Variants in ADRA1A observed in about 807,000 individuals in gnomAD.
ADRA1A encodes the protein adrenoceptor alpha 1A.
A neutral mutation model predicts 29.6 loss-of-function variants in ADRA1A; 31 were observed. The ratio of observed to expected loss-of-function variants is 1.05; its 90% confidence interval spans 0.79 to 1.41. The LOEUF (loss-of-function observed/expected upper bound fraction) is 1.41. ADRA1A is among the 40% of genes most tolerant of loss of function. The pLI is 0.00. For synonymous variants in ADRA1A, 311 were observed against 254.3 expected (o/e 1.22, Z -2.12); for missense variants, 619 against 601.1 (o/e 1.03, Z -0.31).
chr8:26,796,329 A>G lies in ADRA1A; in HGVS notation c.884-25663T>C, dbSNP rs1215928972. Among the ~76,000 whole-genome samples the G allele has an allele frequency of 6.6e-6, 1 of 152,224 alleles. No homozygotes were observed. The highest frequency in any genetic ancestry group is 1.5e-5 in the Non-Finnish European group (1 of 68,036). ...AAAGAATAAAAGCACATAACTAAAA[A>G]ATAACTCACTGATTACCTACAACAT... On this transcript the variant is annotated intron_variant, in intron 2 of 2. Coordinates refer to ENST00000380573, the MANE Select transcript of ADRA1A (RefSeq NM_000680.4). The surrounding 1 kb of genome is among the most constrained non-coding windows in gnomAD (Gnocchi z 5.0).
intron 2 of ADRA1A, among the ~76,000 whole-genome samples, chr8:26,843,102 A>G (rs1811948386): frequency 6.6e-6 from 1 of 152,162 alleles, no homozygotes; most frequent in African/African-American, 2.4e-5. Context: ...TTCCTAGACC[A>G]TTTATAATGA....
At chr8:26,816,056 G>A (rs1234244103) in intron 2 of ADRA1A, among the ~76,000 whole-genome samples, 1 of 152,208 alleles carries the variant, frequency 6.6e-6, no homozygotes, top group Non-Finnish European at 1.5e-5. Flanking sequence ...GCAAGACACA[G>A]AAACAGTGCC....
At chr8:26,748,219 T>C (rs1278194316) in exon 3 of ADRA1A, 1 of 152,300 alleles carries the variant, frequency 6.6e-6, no homozygotes, top group East Asian at 1.9e-4. Context: ...TGTAGTCCAG[T>C]GGTGCTTAAA....
intron 2 of ADRA1A, among the ~76,000 whole-genome samples, chr8:26,780,323 G>A (rs114608910): frequency 0.055 from 8,422 of 152,156 alleles, 226 homozygotes; most frequent in Middle Eastern, 0.088. Context: ...TTCCAACAAA[G>A]GAATTATGAG....
At chr8:26,793,155 G>T (rs922049774) in intron 2 of ADRA1A, among the ~76,000 whole-genome samples, 2 of 151,854 alleles carry the variant, frequency 1.3e-5, no homozygotes, top group African/African-American at 4.8e-5. Flanking sequence ...CTTACCAATA[G>T]AGCCATATTT....
At chr8:26,809,128 A>G (rs1228677341) in intron 2 of ADRA1A, among the ~76,000 whole-genome samples, 1 of 152,238 alleles carries the variant, frequency 6.6e-6, no homozygotes, top group Non-Finnish European at 1.5e-5. Flanking sequence ...TTATCTCTGC[A>G]ATACAATTTC....
At chr8:26,774,564 G>A (rs1299125338) in intron 2 of ADRA1A, among the ~76,000 whole-genome samples, 1 of 151,970 alleles carries the variant, frequency 6.6e-6, no homozygotes, top group Admixed American at 6.6e-5. Flanking sequence ...AGTTACTCAG[G>A]AGGCTGAGGT....
At position 26,865,689 on chromosome 8, in the gene ADRA1A, C is replaced by G; in HGVS notation, c.-686-34G>C. The G allele has an allele frequency of 1.0e-6, 1 of 985,910 alleles. No homozygotes were observed. Among genetic ancestry groups the G allele is most frequent in the Non-Finnish European group, 1.2e-6 (1 of 830,376 alleles). 61.1% of individuals were successfully genotyped at this position (985,910 alleles called of 1,614,324 possible). A position where few individuals can be genotyped will look rare whatever the true frequency, so the allele number is the denominator to read the frequency against. ...GCGCAAAGAGAAAGGCGGCTTTGAGCTAGGCGCCCCAGGGAAAGAGGCTGT... is the reference window on the plus strand; with the variant it reads ...GCGCAAAGAGAAAGGCGGCTTTGAGGTAGGCGCCCCAGGGAAAGAGGCTGT... On this transcript the variant is annotated intron_variant, in intron 1 of 2. Transcript: ENST00000380573. This position sits in a 1 kb window ranked among gnomAD's most constrained non-coding sequence, Gnocchi z 7.6.
intron 2 of ADRA1A, among the ~76,000 whole-genome samples, chr8:26,837,523 T>A (rs1811468392): frequency 6.6e-6 from 1 of 151,966 alleles, no homozygotes; most frequent in Non-Finnish European, 1.5e-5. Flanking sequence ...TGGTGGTGCA[T>A]GCCTATAATC....
intron 2 of ADRA1A, among the ~76,000 whole-genome samples, chr8:26,780,992 C>T (rs1475531292): frequency 6.6e-6 from 1 of 152,102 alleles, no homozygotes; most frequent in Non-Finnish European, 1.5e-5. Context: ...TTATATATTA[C>T]AATGTAATAA....
chr8:26,789,915 C>A (rs1025257281), intron 2 of ADRA1A, among the ~76,000 whole-genome samples: 1 of 152,062 alleles, frequency 6.6e-6, no homozygotes, highest in Non-Finnish European at 1.5e-5. Flanking sequence ...TATCTTCTTA[C>A]CCCAGTAAAA....
In ADRA1A at chr8:26,770,744, C is replaced by T. The variant is rs1806087271; in HGVS notation, c.884-78G>A. On this transcript the variant is annotated intron_variant, in intron 2 of 2. Transcript: ENST00000380573. The stretch of plus-strand genomic sequence containing the variant: ...TTGGCTAGGAAAACAATCAAACAGA[C>T]ATCTTTCTGTATTTTTAAACGGTTA... The T allele has an allele frequency of 1.1e-5, 17 of 1,495,818 alleles. No homozygotes were observed. In the Middle Eastern group the frequency reaches 6.2e-4, roughly 54 times the overall value. 92.7% of individuals were successfully genotyped at this position (1,495,818 alleles called of 1,614,324 possible). A position where few individuals can be genotyped will look rare whatever the true frequency, so the allele number is the denominator to read the frequency against.
chr8:26,752,468 T>C (rs1804962111), downstream of ADRA1A, among the ~76,000 whole-genome samples: 1 of 152,216 alleles, frequency 6.6e-6, no homozygotes, highest in Admixed American at 6.5e-5. Flanking sequence ...ATAACTGGCT[T>C]CCAGGTATCC....
At chr8:26,798,841 C>T (rs1808368506) in intron 2 of ADRA1A, among the ~76,000 whole-genome samples, 1 of 152,206 alleles carries the variant, frequency 6.6e-6, no homozygotes, top group African/African-American at 2.4e-5. Context: ...CCTTGTGCTC[C>T]CACGAGTACT....
At chr8:26,757,333 G>A (rs112087116) in intron 2 of ADRA1A, among the ~76,000 whole-genome samples, 1 of 152,152 alleles carries the variant, frequency 6.6e-6, no homozygotes, top group Admixed American at 6.5e-5. Flanking sequence ...AGCTGAGCTT[G>A]CAGTGTGGAC....
chr8:26,850,227 G>A (rs930668293), intron 2 of ADRA1A, among the ~76,000 whole-genome samples: 2 of 151,770 alleles, frequency 1.3e-5, no homozygotes, highest in African/African-American at 2.4e-5. Context: ...TAATTTAATA[G>A]AGAAAAAAAT....
chr8:26,809,037 C>G lies in ADRA1A; in HGVS notation c.884-38371G>C, dbSNP rs145606907. On this transcript the variant is annotated intron_variant, in intron 2 of 2. Transcript: ENST00000380573. ...TGAGTGAGCTCTTTAGGAGTAGACA[C>G]CTGCCTTATTTACTACAATACCCTT... Among the ~76,000 whole-genome samples the G allele has an allele frequency of 7.9e-5, 12 of 152,260 alleles. No individual in the cohort carries two copies. The East Asian group carries it at 2.3e-3, about 29-fold the overall frequency.
Position 26,866,997 on chromosome 8 carries a change from C to A in ADRA1A, c.-748G>T. 1 of 985,134 alleles carries A rather than the reference C, an allele frequency of 1.0e-6. No individual in the cohort carries two copies. The highest frequency in any genetic ancestry group is 4.7e-5 in the South Asian group (1 of 21,252). The allele number at this position is 985,134 out of a possible 1,614,324, so 61.0% of individuals were successfully genotyped here. Reference sequence around the variant, plus strand: ...GGGGATGTGGACCCGGCTTCGGTCCCGGGAGCTGCCTGCCTGCTCTTCTCT... The same window carrying A: ...GGGGATGTGGACCCGGCTTCGGTCCAGGGAGCTGCCTGCCTGCTCTTCTCT... On this transcript the variant is annotated 5_prime_UTR_variant, in exon 1 of 3. Coordinates refer to ENST00000380573, the MANE Select transcript of ADRA1A (RefSeq NM_000680.4). The surrounding 1 kb of genome is among the most constrained non-coding windows in gnomAD (Gnocchi z 5.7).
At chr8:26,759,900 C>G (rs1297876583) in intron 2 of ADRA1A, among the ~76,000 whole-genome samples, 1 of 152,092 alleles carries the variant, frequency 6.6e-6, no homozygotes, top group African/African-American at 2.4e-5. Flanking sequence ...TGTGATTTTC[C>G]CCCTGTCATT....
Sources: gnomAD v4.1 joint callset for allele counts (sites outside exome capture counted in the v4.1 genomes callset) on GRCh38, gnomAD v4.1.1 for gene constraint, Gnocchi (gnomAD v3.1) non-coding constraint, MANE v1.5 for transcripts, NCBI Gene and HGNC (gene_info 2026-07-23, HGNC 2026-07-21) for gene names.